Variants in CYP2C18 observed in about 807,000 individuals in gnomAD.
CYP2C18 encodes the protein cytochrome P450 2C18.
Under a neutral mutation model 41.3 loss-of-function variants are expected in CYP2C18, and 38 were observed. That is an observed-to-expected ratio of 0.92 (90% CI 0.71 to 1.21). The LOEUF (loss-of-function observed/expected upper bound fraction) is 1.21, where lower values mean the gene tolerates loss of function less well. CYP2C18 is among the 50% of genes most tolerant of loss of function. The pLI is 0.00. For synonymous variants in CYP2C18, 236 were observed against 210.0 expected, an observed-to-expected ratio of 1.12 and a Z score of -1.07; for missense variants, 635 against 591.4, an observed-to-expected ratio of 1.07 and a Z score of -0.77.
intron 7 of CYP2C18, 97 bp from the exon 8 acceptor site, chr10:94,733,200 A>G: frequency 2.5e-6 from 3 of 1,198,658 alleles, no homozygotes; most frequent in Non-Finnish European, 3.5e-6. Context: ...CAATTTTCTT[A>G]TCTATTGATA....
At chr10:94,731,274 G>T (rs549294160) in intron 7 of CYP2C18, among the ~76,000 whole-genome samples, 3 of 152,186 alleles carry the variant, frequency 2.0e-5, no homozygotes, top group African/African-American at 7.2e-5. Flanking sequence ...CAGCTACTTG[G>T]GAGGCTGAGG....
At position 94,735,425 on chromosome 10, in the gene CYP2C18, T is replaced by G. The variant is rs768235030; in HGVS notation, c.1454T>G (p.Leu485Arg). The change falls in exon 9 of 9, where the codon CTC (leucine) becomes CGC (arginine). Residue 485 changes from leucine (L) to arginine (R), a missense_variant. Leu to Arg is a moderately radical substitution (Grantham distance 102, BLOSUM62 -2). Transcript: ENST00000285979. ...GGTCGTGTGCCACCCTTGTACCAGC[T>G]CTGCTTCATTCCTGTCTGAAGAAGG... ...AFGRVPPLYQ[L>R]CFIPV 1 of 1,613,546 alleles carries G rather than the reference T, an allele frequency of 6.2e-7. No homozygotes were observed.
chr10:94,695,873 C>T (rs891737218), intron 4 of CYP2C18, among the ~76,000 whole-genome samples: 1 of 152,106 alleles, frequency 6.6e-6, no homozygotes, highest in South Asian at 2.1e-4. Flanking sequence ...ACCCATGAAA[C>T]CTCACTCATT....
At chr10:94,694,474 TTAAC>T (rs1191688116) in intron 3 of CYP2C18, among the ~76,000 whole-genome samples, 1 of 152,210 alleles carries the variant, frequency 6.6e-6, no homozygotes, top group Non-Finnish European at 1.5e-5. Flanking sequence ...CACAGTTACT[TTAAC>T]TACTCGTTAT....
chr10:94,731,676 C>T (rs1006018577), intron 7 of CYP2C18, among the ~76,000 whole-genome samples: 4 of 152,024 alleles, frequency 2.6e-5, no homozygotes, highest in Non-Finnish European at 1.5e-5. Flanking sequence ...TACCTACAGC[C>T]ATCTAATCTT....
At chr10:94,707,652 C>A (rs1847366988) in intron 5 of CYP2C18, among the ~76,000 whole-genome samples, 2 of 152,070 alleles carry the variant, frequency 1.3e-5, no homozygotes, top group Non-Finnish European at 2.9e-5. Context: ...GAATGGAGGT[C>A]AAAAACTTGC....
chr10:94,687,976 TG>T, intron 2 of CYP2C18, 44 bp downstream of exon 2: 1 of 1,601,366 alleles, frequency 6.2e-7, no homozygotes, highest in Non-Finnish European at 8.5e-7. Flanking sequence ...GTGTATGTAC[TG>T]GGCAGTGGCT....
At position 94,720,538 on chromosome 10, in the gene CYP2C18, G is replaced by A; in HGVS notation, c.961+1G>A. The A allele has an allele frequency of 6.2e-7, 1 of 1,612,504 alleles. No homozygotes were observed. Among genetic ancestry groups the A allele is most frequent in the Non-Finnish European group, 8.5e-7 (1 of 1,179,274 alleles). On this transcript the variant is annotated splice_donor_variant, in intron 6 of 8. Coordinates refer to ENST00000285979, the MANE Select transcript of CYP2C18 (RefSeq NM_000772.3). LOFTEE classifies it high-confidence loss of function. ...CTGCTGAAGTACCCAGAGGTCACAG[G>A]TATGATGATACCATAGGTGAGCAGG...
chr10:94,706,778 T>C lies in CYP2C18; in HGVS notation c.643-6T>C. 6.6e-7 allele frequency: 1 copy of C among 1,516,664 alleles called. No individual in the cohort carries two copies. The highest frequency in any genetic ancestry group is 1.2e-5 in the South Asian group (1 of 84,062). The allele number at this position is 1,516,664 out of a possible 1,614,324, so 94.0% of individuals were successfully genotyped here. ...TTAATTTAATTAATTTTTAAAAATC[T>C]TTAAGGTCTGCAATAATTTCCCTGC... On this transcript the variant is annotated splice_polypyrimidine_tract_variant and splice_region_variant and intron_variant, in intron 4 of 8. Coordinates refer to ENST00000285979, the MANE Select transcript of CYP2C18 (RefSeq NM_000772.3).
chr10:94,687,969 T>C (rs199721510), intron 2 of CYP2C18, 37 bp downstream of exon 2: 1 of 1,604,214 alleles, frequency 6.2e-7, no homozygotes, highest in Non-Finnish European at 8.5e-7. Context: ...TGTACATGTG[T>C]ATGTACTGGG....
intron 3 of CYP2C18, among the ~76,000 whole-genome samples, chr10:94,689,814 G>T (rs567484684): frequency 6.6e-6 from 1 of 152,086 alleles, no homozygotes; most frequent in Non-Finnish European, 1.5e-5. Flanking sequence ...GATACAGAGT[G>T]CTGACTATAT....
chr10:94,703,176 T>C (rs1353753167), intron 4 of CYP2C18, among the ~76,000 whole-genome samples: 4 of 152,160 alleles, frequency 2.6e-5, no homozygotes, highest in Admixed American at 2.6e-4. Context: ...TGTCAAACCG[T>C]GCTGGGAGGT....
At position 94,713,427 on chromosome 10, in the gene CYP2C18, C is replaced by T. The variant is rs148482141; in HGVS notation, c.819+6467C>T. 8.4e-3 allele frequency among the ~76,000 whole-genome samples: 1,275 copies of T among 151,398 alleles called. 10 individuals carry two copies. Among genetic ancestry groups the T allele is most frequent in the African/African-American group, 0.029 (1,208 of 41,196 alleles). On this transcript the variant is annotated intron_variant, in intron 5 of 8. Transcript: ENST00000285979. Reference sequence around the variant, plus strand: ...AATCCCACCTATGAGTGAGAACATGCGGTGTTTGGTTTTTTGTCTTTGTGA... The same window carrying T: ...AATCCCACCTATGAGTGAGAACATGTGGTGTTTGGTTTTTTGTCTTTGTGA...
In CYP2C18 at chr10:94,733,336, A is replaced by G; in HGVS notation, c.1189A>G (p.Asn397Asp). 1.2e-6 allele frequency: 2 copies of G among 1,613,384 alleles called. No individual in the cohort carries two copies. The highest frequency in any genetic ancestry group is 8.5e-7 in the Non-Finnish European group (1 of 1,179,516). ...AACATCCCTGACTTCTGTGCTGCAC[A>G]ATGACAAAGAATTCCCCAACCCAGA... is the stretch of plus-strand genomic sequence containing the variant. ...IITSLTSVLH[N>D]DKEFPNPEMF... The change falls in exon 8 of 9, where the codon AAT (asparagine) becomes GAT (aspartate). Residue 397 changes from asparagine (N) to aspartate (D), a missense_variant. By Grantham distance (23) the Asn-to-Asp change is conservative (BLOSUM62 1). Coordinates refer to ENST00000285979, the MANE Select transcript of CYP2C18 (RefSeq NM_000772.3).
intron 4 of CYP2C18, among the ~76,000 whole-genome samples, chr10:94,696,125 AAG>A (rs200646631): frequency 0.022 from 3,274 of 152,224 alleles, 113 homozygotes; most frequent in African/African-American, 0.073. Context: ...GACAGCTTTG[AAG>A]AGAGTAGTGG....
intron 1 of CYP2C18, among the ~76,000 whole-genome samples, chr10:94,687,155 C>T (rs756953988): frequency 6.6e-6 from 1 of 152,254 alleles, no homozygotes; most frequent in South Asian, 2.1e-4. Context: ...CTGTGAGATG[C>T]CACACATCCT....
At chr10:94,685,024 TTTAATTAATTAA>T (rs113927077) in intron 1 of CYP2C18, among the ~76,000 whole-genome samples, 1 of 149,468 alleles carries the variant, frequency 6.7e-6, no homozygotes, top group South Asian at 2.1e-4. Context: ...CCTTTGCCCA[TTTAATTAATTAA>T]TTAATTAATT....
intron 5 of CYP2C18, among the ~76,000 whole-genome samples, chr10:94,710,683 C>A (rs984967061): frequency 6.6e-6 from 1 of 152,114 alleles, no homozygotes; most frequent in South Asian, 2.1e-4. Context: ...TCCTTCCTGG[C>A]TTTGGTGTAA....
At chr10:94,702,999 C>T (rs1847273308) in intron 4 of CYP2C18, among the ~76,000 whole-genome samples, 1 of 152,166 alleles carries the variant, frequency 6.6e-6, no homozygotes, top group East Asian at 1.9e-4. Flanking sequence ...CCCTCTTCTG[C>T]AGGTCTGCTG....
Sources: gnomAD v4.1 joint callset for allele counts (sites outside exome capture counted in the v4.1 genomes callset) on GRCh38, gnomAD v4.1.1 for gene constraint, MANE v1.5 for transcripts, NCBI Gene and HGNC (gene_info 2026-07-23, HGNC 2026-07-21) for gene names.